Variants in GARNL3 observed in about 807,000 individuals in gnomAD.
GARNL3 encodes GTPase-activating Rap/Ran-GAP domain-like protein 3.
In GARNL3, 63 loss-of-function variants were observed where a neutral mutation model predicts 125.0. That is an observed-to-expected ratio of 0.50 (90% CI 0.41 to 0.62). The LOEUF is 0.62. GARNL3 is among the 20% of genes least tolerant of loss of function. The pLI is 0.00. For missense variants in GARNL3, 994 were observed against 1,244.0 expected (o/e 0.80, Z 3.02); for synonymous variants, 439 against 457.5 (o/e 0.96, Z 0.52).
rs922328564 is a variant in GARNL3 at position 127,355,387 on chromosome 9, A to AAC, written c.1854_1855dup (p.Asn619ThrfsTer38). 6.2e-7 allele frequency: 1 copy of AAC among 1,614,130 alleles called. No individual in the cohort carries two copies. The highest frequency in any genetic ancestry group is 8.5e-7 in the Non-Finnish European group (1 of 1,180,046). ...AATAAACTGCTTCTGATCACAAGAA[A>AAC]ACACAACAAGCCAAGCGGGGTCACC... On this transcript the variant is annotated frameshift_variant, in exon 20 of 28. Transcript: ENST00000373387. LOFTEE classifies it high-confidence loss of function.
At chr9:127,368,173 T>G (rs1831392748) in intron 22 of GARNL3, among the ~76,000 whole-genome samples, 1 of 150,068 alleles carries the variant, frequency 6.7e-6, no homozygotes, top group Non-Finnish European at 1.5e-5. Flanking sequence ...TCCACAAGGT[T>G]GAAGAGGAGC....
intron 13 of GARNL3, 70 bp from the exon 14 acceptor site, chr9:127,342,149 C>G (rs936746684): frequency 8.0e-6 from 8 of 999,688 alleles, no homozygotes; most frequent in South Asian, 4.0e-5. Context: ...AACAGACAAG[C>G]ATAGTTTCAA....
At chr9:127,372,796 AG>A (rs1339940579) in intron 22 of GARNL3, among the ~76,000 whole-genome samples, 2 of 152,252 alleles carry the variant, frequency 1.3e-5, no homozygotes, top group African/African-American at 4.8e-5. Flanking sequence ...CAAGAAACAG[AG>A]AAGTACCAGT....
chr9:127,260,478 C>G (rs985281815), upstream of GARNL3, among the ~76,000 whole-genome samples: 1 of 152,198 alleles, frequency 6.6e-6, no homozygotes, highest in African/African-American at 2.4e-5. Context: ...TCTTCACTGA[C>G]ACACTAATCA....
chr9:127,345,310 C>G (rs1024006966), intron 15 of GARNL3, 93 bp from the exon 16 acceptor site: 2 of 678,260 alleles, frequency 2.9e-6, no homozygotes, highest in African/African-American at 1.9e-5. Flanking sequence ...TGCAATTACT[C>G]CTGTTTTATT....
chr9:127,292,111 T>G (rs776547046), intron 2 of GARNL3, among the ~76,000 whole-genome samples: 3 of 152,182 alleles, frequency 2.0e-5, no homozygotes, highest in Non-Finnish European at 4.4e-5. Context: ...CTAATGCAAA[T>G]TCTCGGTAAA....
chr9:127,369,531 GC>G (rs146744360), intron 22 of GARNL3, among the ~76,000 whole-genome samples: 1 of 152,364 alleles, frequency 6.6e-6, no homozygotes, highest in East Asian at 1.9e-4. Context: ...ATTACCAGGA[GC>G]CTGCAGGAAG....
chr9:127,286,316 G>A (rs1183586588), intron 1 of GARNL3, among the ~76,000 whole-genome samples: 1 of 152,192 alleles, frequency 6.6e-6, no homozygotes, highest in African/African-American at 2.4e-5. Flanking sequence ...TCTACACCAT[G>A]TAGGCTGATC....
At chr9:127,311,319 G>A (rs112092674) in intron 2 of GARNL3, among the ~76,000 whole-genome samples, 114 of 152,058 alleles carry the variant, frequency 7.5e-4, no homozygotes, top group African/African-American at 2.7e-3. Context: ...AAAAAGAAGG[G>A]GGTTCCTCTA....
rs1371081684 is a variant in GARNL3, at chr9:127,318,042, T to G, written c.439-21T>G. The stretch of plus-strand genomic sequence containing the variant: ...GGAAGTTGTAGAACTTGTCACTGAT[T>G]TGATGTTTGGACTTTTCCAGGGTAC... On this transcript the variant is annotated intron_variant, in intron 4 of 27. Coordinates refer to ENST00000373387, the MANE Select transcript of GARNL3 (RefSeq NM_032293.5). 9.2e-6 allele frequency: 14 copies of G among 1,514,220 alleles called. No individual in the cohort carries two copies. The South Asian group carries it at 1.6e-4, about 17-fold the overall frequency. The allele number at this position is 1,514,220 out of a possible 1,614,324, so 93.8% of individuals were successfully genotyped here. A position where few individuals can be genotyped will look rare whatever the true frequency, so the allele number is the denominator to read the frequency against.
At chr9:127,298,883 G>A (rs1478798968) in intron 2 of GARNL3, among the ~76,000 whole-genome samples, 8 of 152,142 alleles carry the variant, frequency 5.3e-5, no homozygotes, top group Non-Finnish European at 1.0e-4. Flanking sequence ...CATCAAAGAA[G>A]CAAGAAGATG....
chr9:127,268,363 CAT>C (rs1404261604), intron 1 of GARNL3, among the ~76,000 whole-genome samples: 2 of 152,166 alleles, frequency 1.3e-5, no homozygotes, highest in African/African-American at 4.8e-5. Flanking sequence ...AGCTGCGCCT[CAT>C]GTGATGGAAA....
chr9:127,263,898 C>A, upstream of GARNL3: 2 of 1,434,084 alleles, frequency 1.4e-6, no homozygotes, highest in South Asian at 3.0e-5. Context: ...GGCAGAGAGT[C>A]AGTTCTCTGG....
intron 9 of GARNL3, 95 bp from the exon 10 acceptor site, chr9:127,335,135 T>C: frequency 2.4e-6 from 2 of 836,688 alleles, no homozygotes; most frequent in Non-Finnish European, 4.1e-6. Context: ...TTGGAGAATG[T>C]CCTGTATACA....
At chr9:127,304,137 G>A (rs1407643834) in intron 2 of GARNL3, among the ~76,000 whole-genome samples, 1 of 152,216 alleles carries the variant, frequency 6.6e-6, no homozygotes, top group Non-Finnish European at 1.5e-5. Context: ...TCTAGTTGAT[G>A]TCAAATGAAT....
At chr9:127,344,373 A>T in intron 15 of GARNL3, 34 bp downstream of exon 15, 4 of 1,453,036 alleles carry the variant, frequency 2.8e-6, no homozygotes, top group Non-Finnish European at 3.9e-6. Context: ...TCTGCGAGAC[A>T]TGTAGTTTTG....
chr9:127,386,122 A>G (rs920587096), intron 24 of GARNL3, among the ~76,000 whole-genome samples: 16 of 152,226 alleles, frequency 1.1e-4, no homozygotes, highest in African/African-American at 2.9e-4. Context: ...TCTTGTATCC[A>G]TAGCCAACCT....
chr9:127,338,948 G>A (rs1218573822), intron 12 of GARNL3, among the ~76,000 whole-genome samples: 1 of 152,194 alleles, frequency 6.6e-6, no homozygotes, highest in Non-Finnish European at 1.5e-5. Context: ...GAATAGTGGT[G>A]TATTACTTCA....
intron 7 of GARNL3, 95 bp downstream of exon 7, chr9:127,325,190 C>CA: frequency 8.2e-7 from 1 of 1,214,652 alleles, no homozygotes; most frequent in Non-Finnish European, 1.2e-6. Flanking sequence ...TGCTTTCAGC[C>CA]AAATCTCCAT....
Sources: gnomAD v4.1 joint callset for allele counts (sites outside exome capture counted in the v4.1 genomes callset) on GRCh38, gnomAD v4.1.1 for gene constraint, MANE v1.5 for transcripts, NCBI Gene and HGNC (gene_info 2026-07-23, HGNC 2026-07-21) for gene names.